Variants in PDCL2 observed in about 807,000 individuals in gnomAD.
The protein encoded by PDCL2 is phosducin like 2.
PDCL2 carries 23 observed loss-of-function variants against 30.3 expected under a neutral mutation model. That is an observed-to-expected ratio of 0.76 (90% CI 0.55 to 1.08). The LOEUF is 1.08. Among genes scored for constraint, PDCL2 ranks in the 50% least tolerant of loss-of-function variants. PDCL2 has a pLI of 0.00. For missense variants in PDCL2, 243 were observed against 282.3 expected, an observed-to-expected ratio of 0.86 and a Z score of 1.00; for synonymous variants, 68 against 86.2, an observed-to-expected ratio of 0.79 and a Z score of 1.17.
At chr4:55,590,196 C>CA (rs1221085369) in intron 1 of PDCL2, among the ~76,000 whole-genome samples, 11,871 of 37,008 alleles carry the variant, frequency 0.32, 3,392 homozygotes, top group East Asian at 0.58. Context: ...GGCTCTGTCT[C>CA]AAAAAAAAAA....
chr4:55,590,970 G>A (rs1247543186), intron 1 of PDCL2, among the ~76,000 whole-genome samples: 1 of 152,154 alleles, frequency 6.6e-6, no homozygotes, highest in African/African-American at 2.4e-5. Flanking sequence ...GAATTAATCA[G>A]TAAACCAACA....
intron 4 of PDCL2, among the ~76,000 whole-genome samples, chr4:55,563,646 G>C (rs1732189454): frequency 1.3e-5 from 2 of 152,210 alleles, no homozygotes; most frequent in Non-Finnish European, 2.9e-5. Context: ...ATGTACATGA[G>C]AGAGGAAACA....
At chr4:55,591,010 A>G (rs1312783782) in intron 1 of PDCL2, among the ~76,000 whole-genome samples, 1 of 152,218 alleles carries the variant, frequency 6.6e-6, no homozygotes, top group Non-Finnish European at 1.5e-5. Context: ...CTTCACTGTC[A>G]ATTACATTTC....
chr4:55,565,973 G>GTTTTTTTTT (rs71194595), intron 4 of PDCL2, among the ~76,000 whole-genome samples: 30 of 74,502 alleles, frequency 4.0e-4, no homozygotes, highest in East Asian at 9.1e-4. Context: ...CCATTTTTCT[G>GTTTTTTTTT]TTTTTTTTTT....
Position 55,592,135 on chromosome 4 carries a change from C to T in PDCL2, c.-26G>A. The T allele has an allele frequency of 6.2e-7, 1 of 1,607,650 alleles. No homozygotes were observed. The highest frequency in any genetic ancestry group is 8.5e-7 in the Non-Finnish European group (1 of 1,177,634). On this transcript the variant is annotated 5_prime_UTR_variant, in exon 1 of 6. Coordinates refer to ENST00000295645, the MANE Select transcript of PDCL2 (RefSeq NM_152401.3). ...GATGCGCTGCTCTGCCCCTCAAGAG[C>T]CCGCGTCGTCCTGCAGCTGGCGAGG...
intron 3 of PDCL2, among the ~76,000 whole-genome samples, chr4:55,577,423 TGGTGATTA>T (rs1732600437): frequency 6.6e-6 from 1 of 152,214 alleles, no homozygotes; most frequent in Non-Finnish European, 1.5e-5. Flanking sequence ...CGTTGGCCAC[TGGTGATTA>T]ACTCAATCTC....
In PDCL2 at chr4:55,562,384, A is replaced by C. The variant is rs1732155708; in HGVS notation, c.571+20T>G. On this transcript the variant is annotated intron_variant, in intron 5 of 5. Coordinates refer to ENST00000295645, the MANE Select transcript of PDCL2 (RefSeq NM_152401.3). ...GATGTTTTCACCTATCATTTTTATA[A>C]ACAAAATTTGTAACATTACCTTCCA... The C allele has an allele frequency of 7.3e-7, 1 of 1,376,608 alleles. No homozygotes were observed. The highest frequency in any genetic ancestry group is 9.5e-7 in the Non-Finnish European group (1 of 1,047,920). 85.3% of individuals were successfully genotyped at this position (1,376,608 alleles called of 1,614,324 possible).
intron 3 of PDCL2, among the ~76,000 whole-genome samples, chr4:55,571,067 C>T (rs1487377906): frequency 6.6e-6 from 1 of 152,120 alleles, no homozygotes; most frequent in Non-Finnish European, 1.5e-5. Context: ...GATCCCCTGC[C>T]CTAATCATTC....
intron 4 of PDCL2, among the ~76,000 whole-genome samples, chr4:55,563,770 G>A (rs1473448658): frequency 1.3e-5 from 2 of 152,192 alleles, no homozygotes; most frequent in Non-Finnish European, 2.9e-5. Flanking sequence ...GGGTAAATCA[G>A]GTTACAGTGA....
rs1414043246 is a variant in PDCL2 at position 55,587,135 on chromosome 4, T to G, written c.7-4898A>C. Among the ~76,000 whole-genome samples the G allele has an allele frequency of 2.0e-5, 3 of 149,546 alleles. No homozygotes were observed. The Admixed American group carries it at 2.0e-4, about 10-fold the overall frequency. On this transcript the variant is annotated intron_variant, in intron 1 of 5. Transcript: ENST00000295645. Reference sequence around the variant, plus strand: ...CATTGTCCAGTGAGGGTCTGATCTCTTCTTTCAAGATGGTACCTTGAACAC... The same window carrying G: ...CATTGTCCAGTGAGGGTCTGATCTCGTCTTTCAAGATGGTACCTTGAACAC...
intron 3 of PDCL2, among the ~76,000 whole-genome samples, chr4:55,574,649 T>A (rs896001472): frequency 1.4e-4 from 21 of 152,190 alleles, no homozygotes; most frequent in Non-Finnish European, 2.9e-4. Context: ...AATAAACCCA[T>A]ATCTATTTGT....
At chr4:55,564,456 T>C (rs569780014) in intron 4 of PDCL2, among the ~76,000 whole-genome samples, 25 of 152,280 alleles carry the variant, frequency 1.6e-4, no homozygotes, top group Middle Eastern at 3.4e-3. Context: ...ACCTCTAACA[T>C]CACAAAACAA....
At chr4:55,584,991 C>A (rs553942096) in intron 1 of PDCL2, among the ~76,000 whole-genome samples, 1 of 152,188 alleles carries the variant, frequency 6.6e-6, no homozygotes. Flanking sequence ...GATTTTTGTC[C>A]ATAATTCTGT....
intron 4 of PDCL2, among the ~76,000 whole-genome samples, chr4:55,562,912 G>GAAAA (rs33953658): frequency 9.2e-6 from 1 of 108,840 alleles, no homozygotes. Context: ...CCAGTTTGTA[G>GAAAA]AAAAAAAAAA....
chr4:55,568,235 G>C (rs1466305927), intron 4 of PDCL2, among the ~76,000 whole-genome samples: 1 of 152,204 alleles, frequency 6.6e-6, no homozygotes, highest in Non-Finnish European at 1.5e-5. Flanking sequence ...CTGAGGCAGA[G>C]GGGTAGGGAC....
In PDCL2 at chr4:55,592,134, G is replaced by A. The variant is rs748968180; in HGVS notation, c.-25C>T. ...TGATGCGCTGCTCTGCCCCTCAAGA[G>A]CCCGCGTCGTCCTGCAGCTGGCGAG... On this transcript the variant is annotated 5_prime_UTR_variant, in exon 1 of 6. Coordinates refer to ENST00000295645, the MANE Select transcript of PDCL2 (RefSeq NM_152401.3). 3.7e-6 allele frequency: 6 copies of A among 1,608,384 alleles called. 1 individual carries two copies. Among genetic ancestry groups the A allele is most frequent in the Non-Finnish European group, 3.4e-6 (4 of 1,177,970 alleles).
chr4:55,579,275 C>T (rs1241990173), intron 3 of PDCL2, among the ~76,000 whole-genome samples: 4 of 151,994 alleles, frequency 2.6e-5, no homozygotes, highest in South Asian at 2.1e-4. Flanking sequence ...TCAAGCAGTT[C>T]GCTAAGGAGC....
Position 55,572,642 on chromosome 4 carries a change from C to T in PDCL2, c.219-2781G>A, listed in dbSNP as rs535522256. Among the ~76,000 whole-genome samples, 6 of 152,326 alleles carry T rather than the reference C, an allele frequency of 3.9e-5. No homozygotes were observed. In the South Asian group the frequency reaches 1.0e-3, roughly 26 times the overall value. On this transcript the variant is annotated intron_variant, in intron 3 of 5. Coordinates refer to ENST00000295645, the MANE Select transcript of PDCL2 (RefSeq NM_152401.3). ...TACCAGTGTAACAAGCCTGCATGTG[C>T]ATCCCCTGAATCTACAATAAAAGTT... is the stretch of plus-strand genomic sequence containing the variant.
At chr4:55,581,416 G>T (rs982240453) in intron 2 of PDCL2, among the ~76,000 whole-genome samples, 8 of 152,112 alleles carry the variant, frequency 5.3e-5, no homozygotes, top group Non-Finnish European at 8.8e-5. Context: ...TCATAGAACT[G>T]ACAGGCTACA....
Sources: gnomAD v4.1 joint callset for allele counts (sites outside exome capture counted in the v4.1 genomes callset) on GRCh38, gnomAD v4.1.1 for gene constraint, MANE v1.5 for transcripts, NCBI Gene and HGNC (gene_info 2026-07-23, HGNC 2026-07-21) for gene names.